The following DOK6 variants were observed in gnomAD, a reference collection of about 807,000 sequenced individuals.
DOK6 encodes docking protein 6, also known as downstream of tyrosine kinase 6.
A neutral mutation model predicts 44.0 loss-of-function variants in DOK6; 22 were observed. That is an observed-to-expected ratio of 0.50 (90% CI 0.36 to 0.71). DOK6 has a LOEUF of 0.71. DOK6 is among the 30% of genes least tolerant of loss of function. The pLI is 0.00. For missense variants in DOK6, 340 were observed against 416.4 expected, an observed-to-expected ratio of 0.82 and a Z score of 1.60; for synonymous variants, 166 against 145.5, an observed-to-expected ratio of 1.14 and a Z score of -1.01.
intron 1 of DOK6, among the ~76,000 whole-genome samples, chr18:69,506,652 T>C (rs1300145234): frequency 6.6e-6 from 1 of 152,148 alleles, no homozygotes; most frequent in African/African-American, 2.4e-5. Context: ...TACTTACCTG[T>C]TGAAGTATAT....
At chr18:69,624,965 C>G (rs1434811077) in intron 3 of DOK6, among the ~76,000 whole-genome samples, 2 of 151,976 alleles carry the variant, frequency 1.3e-5, no homozygotes, top group East Asian at 3.9e-4. Context: ...TAAATATCAC[C>G]TAAAAATTTT....
chr18:69,795,688 A>G (rs1273164518), intron 7 of DOK6, among the ~76,000 whole-genome samples: 1 of 152,204 alleles, frequency 6.6e-6, no homozygotes, highest in Non-Finnish European at 1.5e-5. Context: ...AAGTTCGTTC[A>G]TGATACACAC....
Position 69,564,541 on chromosome 18 carries a change from A to C in DOK6, c.121A>C (p.Arg41=). ...GAAGGCTTCTAGCAAAGGACCCAGA[A>C]GGTTAGAAAAATTTCCAGATGAAAA... ...FKKASSKGPR[R]LEKFPDEKAA... is the part of the protein sequence containing the mutation. Residue 41 remains arginine, a synonymous_variant, in exon 2 of 8, where the codon AGG becomes CGG. Coordinates refer to ENST00000382713, the MANE Select transcript of DOK6 (RefSeq NM_152721.6). 1 of 1,613,972 alleles carries C rather than the reference A, an allele frequency of 6.2e-7. No homozygotes were observed.
chr18:69,583,626 T>G (rs1983418540), intron 2 of DOK6, among the ~76,000 whole-genome samples: 1 of 152,046 alleles, frequency 6.6e-6, no homozygotes, highest in East Asian at 1.9e-4. Flanking sequence ...CGGCAAAGAT[T>G]TCATCATAGG....
At position 69,845,697 on chromosome 18, in the gene DOK6, G is replaced by T. The variant is rs1338408371; in HGVS notation, c.*4314G>T. The T allele has an allele frequency of 6.6e-6, 1 of 152,124 alleles. No homozygotes were observed. Among genetic ancestry groups the T allele is most frequent in the South Asian group, 2.1e-4 (1 of 4,836 alleles). The allele number at this position is 152,124 out of a possible 1,614,324, so 9.4% of individuals were successfully genotyped here. The stretch of plus-strand genomic sequence containing the variant: ...TACCTTTCTAACATTCTAACCCAAG[G>T]CCAGTGTCATGGGCTTGGCTTTCTT... On this transcript the variant is annotated 3_prime_UTR_variant, in exon 8 of 8. Coordinates refer to ENST00000382713, the MANE Select transcript of DOK6 (RefSeq NM_152721.6).
chr18:69,406,962 T>G (rs1916217592), intron 1 of DOK6, among the ~76,000 whole-genome samples: 1 of 152,144 alleles, frequency 6.6e-6, no homozygotes, highest in African/African-American at 2.4e-5. Flanking sequence ...GCGCCTGTAA[T>G]TCCAGCTACT....
chr18:69,661,409 T>G (rs1386001942), intron 3 of DOK6: 1 of 152,164 alleles, frequency 6.6e-6, no homozygotes. Flanking sequence ...TTTCCACATA[T>G]GAATTGTAGG....
At chr18:69,641,744 C>G (rs934478107) in intron 3 of DOK6, among the ~76,000 whole-genome samples, 1 of 152,162 alleles carries the variant, frequency 6.6e-6, no homozygotes. Context: ...TTAGTGATAA[C>G]AGTGTCTAGT....
At chr18:69,627,740 T>C (rs908058397) in intron 3 of DOK6, among the ~76,000 whole-genome samples, 20 of 152,234 alleles carry the variant, frequency 1.3e-4, no homozygotes, top group Middle Eastern at 3.4e-3. Context: ...GTGACCACCA[T>C]GCCTGGCCTC....
intron 1 of DOK6, among the ~76,000 whole-genome samples, chr18:69,459,186 T>TG (rs1383104207): frequency 8.3e-4 from 30 of 35,994 alleles, no homozygotes; most frequent in South Asian, 3.4e-3. Flanking sequence ...AAAAAAATAT[T>TG]TTGTGTGTGT....
At chr18:69,794,197 G>A (rs900242243) in intron 7 of DOK6, among the ~76,000 whole-genome samples, 4 of 151,966 alleles carry the variant, frequency 2.6e-5, no homozygotes, top group East Asian at 1.9e-4. Flanking sequence ...CCATTTTCAC[G>A]TCTTCCCTCC....
chr18:69,757,442 CTT>C (rs1568117420), intron 6 of DOK6, among the ~76,000 whole-genome samples: 1 of 152,170 alleles, frequency 6.6e-6, no homozygotes, highest in Non-Finnish European at 1.5e-5. Flanking sequence ...ATGTAAATAA[CTT>C]TGTCAGGTGG....
At chr18:69,409,930 G>C (rs567641069) in intron 1 of DOK6, among the ~76,000 whole-genome samples, 1 of 152,070 alleles carries the variant, frequency 6.6e-6, no homozygotes, top group Non-Finnish European at 1.5e-5. Context: ...TTTAAAGACC[G>C]TAGGGTAGTT....
chr18:69,615,666 A>C (rs1790597500), intron 3 of DOK6, among the ~76,000 whole-genome samples: 1 of 152,190 alleles, frequency 6.6e-6, no homozygotes, highest in Admixed American at 6.5e-5. Context: ...AAAATACCAA[A>C]CCTTAAGCTG....
intron 7 of DOK6, among the ~76,000 whole-genome samples, chr18:69,776,737 G>A (rs1473835639): frequency 1.3e-5 from 2 of 151,978 alleles, no homozygotes; most frequent in Admixed American, 6.6e-5. Context: ...TTTATGTTAG[G>A]AAATGGAAGC....
At chr18:69,586,525 T>A (rs2144613753) in intron 2 of DOK6, among the ~76,000 whole-genome samples, 1 of 152,170 alleles carries the variant, frequency 6.6e-6, no homozygotes. Flanking sequence ...AGCAAGCCAT[T>A]CCCTCTGAAA....
At chr18:69,832,553 G>C (rs1196488143) in intron 7 of DOK6, 1 of 151,948 alleles carries the variant, frequency 6.6e-6, no homozygotes, top group East Asian at 1.9e-4. Context: ...AGTAGGTTTG[G>C]AAGTATTATC....
intron 7 of DOK6, among the ~76,000 whole-genome samples, chr18:69,764,657 A>G (rs1220982908): frequency 6.6e-6 from 1 of 152,166 alleles, no homozygotes; most frequent in Non-Finnish European, 1.5e-5. Flanking sequence ...TCTTTTCTTT[A>G]TAAATTACTC....
chr18:69,785,003 G>A (rs1378440632), intron 7 of DOK6, among the ~76,000 whole-genome samples: 1 of 152,144 alleles, frequency 6.6e-6, no homozygotes, highest in Non-Finnish European at 1.5e-5. Context: ...ATAATCTCAT[G>A]CTATATGCTA....
Sources: allele counts gnomAD v4.1 joint callset (sites outside exome capture counted in the v4.1 genomes callset), GRCh38; gene constraint gnomAD v4.1.1; transcripts MANE v1.5; gene names NCBI Gene and HGNC (gene_info 2026-07-23, HGNC 2026-07-21).